CADM2: variants seen among roughly 807,000 people sequenced by gnomAD.
The protein encoded by CADM2 is cell adhesion molecule 2.
CADM2 carries 12 observed loss-of-function variants against 49.8 expected under a neutral mutation model. That is an observed-to-expected ratio of 0.24 (90% CI 0.15 to 0.39). The LOEUF (loss-of-function observed/expected upper bound fraction) is 0.39, where lower values mean the gene tolerates loss of function less well. CADM2 is among the 10% of genes least tolerant of loss of function. The pLI is 1.00. For missense variants in CADM2, 378 were observed against 492.3 expected (o/e 0.77, Z 2.20); for synonymous variants, 214 against 175.4 (o/e 1.22, Z -1.74).
intron 1 of CADM2, among the ~76,000 whole-genome samples, chr3:85,543,330 C>T (rs1047837052): frequency 1.3e-5 from 2 of 150,360 alleles, no homozygotes; most frequent in South Asian, 4.2e-4. Context: ...TCTCTGTTTA[C>T]CGCAACCTCC....
chr3:85,775,826 A>G (rs939172776), intron 2 of CADM2, among the ~76,000 whole-genome samples: 1 of 151,942 alleles, frequency 6.6e-6, no homozygotes, highest in Non-Finnish European at 1.5e-5. Flanking sequence ...TATTCAGATA[A>G]ATCCACTCAT....
intron 1 of CADM2, among the ~76,000 whole-genome samples, chr3:85,553,705 G>A (rs2061875406): frequency 6.6e-6 from 1 of 152,162 alleles, no homozygotes; most frequent in South Asian, 2.1e-4. Flanking sequence ...TCTTGTGTGG[G>A]AACTAGTAAT....
intron 1 of CADM2, among the ~76,000 whole-genome samples, chr3:85,573,874 A>T (rs1312920352): frequency 6.6e-6 from 1 of 152,108 alleles, no homozygotes; most frequent in Non-Finnish European, 1.5e-5. Context: ...AATCCTCACC[A>T]TCCTCACCAC....
At chr3:85,550,679 CA>C (rs1198677573) in intron 1 of CADM2, among the ~76,000 whole-genome samples, 1 of 152,026 alleles carries the variant, frequency 6.6e-6, no homozygotes, top group East Asian at 1.9e-4. Flanking sequence ...TTCCTGCGTC[CA>C]AAAACCCTAT....
chr3:85,516,434 C>T (rs1191450523), intron 1 of CADM2, among the ~76,000 whole-genome samples: 3 of 152,008 alleles, frequency 2.0e-5, no homozygotes, highest in Non-Finnish European at 2.9e-5. Flanking sequence ...AGTAAGGAAA[C>T]ATAAATAAGT....
chr3:85,071,011 T>TAAATAAAC (rs1175961389), intron 1 of CADM2, among the ~76,000 whole-genome samples: 2 of 150,260 alleles, frequency 1.3e-5, no homozygotes, highest in Non-Finnish European at 1.5e-5. Flanking sequence ...AATAAATAAA[T>TAAATAAAC]AAATAAATAA....
intron 1 of CADM2, among the ~76,000 whole-genome samples, chr3:85,138,066 A>T (rs920324483): frequency 4.6e-5 from 7 of 152,122 alleles, no homozygotes; most frequent in African/African-American, 1.7e-4. Flanking sequence ...AGATACAATT[A>T]TTTTTATAGT....
chr3:85,358,406 T>C (rs1446372158), intron 1 of CADM2, among the ~76,000 whole-genome samples: 1 of 152,004 alleles, frequency 6.6e-6, no homozygotes, highest in Non-Finnish European at 1.5e-5. Flanking sequence ...TATATATATA[T>C]AGTTCAGAAC....
intron 1 of CADM2, among the ~76,000 whole-genome samples, chr3:85,036,087 G>T (rs1386106725): frequency 6.6e-6 from 1 of 152,078 alleles, no homozygotes; most frequent in East Asian, 1.9e-4. Context: ...TTTAAGTAAA[G>T]GACATATAAG....
chr3:85,802,051 C>T lies in CADM2; in HGVS notation c.93C>T (p.Ser31=), dbSNP rs1277762565. Residue 31 remains serine, a synonymous_variant, in exon 3 of 10, where the codon AGC becomes AGT. Coordinates refer to ENST00000383699, the MANE Select transcript of CADM2 (RefSeq NM_001167675.2). ...TTTTCTTTAATCCCCTTTTAGGCAG[C>T]CAAGGGCAGTTTCCACTAACACAGA... ...AAASKNKVKG[S]QGQFPLTQNV... 4.4e-6 allele frequency: 7 copies of T among 1,606,916 alleles called. No individual in the cohort carries two copies. The highest frequency in any genetic ancestry group is 6.0e-6 in the Non-Finnish European group (7 of 1,176,380).
chr3:86,019,965 G>T (rs1559805232), intron 8 of CADM2, among the ~76,000 whole-genome samples: 1 of 152,052 alleles, frequency 6.6e-6, no homozygotes, highest in Non-Finnish European at 1.5e-5. Flanking sequence ...TCAAAAGCTA[G>T]CAGAAGGCAA....
rs945136112 is a variant in CADM2, at chr3:85,264,994, A to G, written c.61+305326A>G. Among the ~76,000 whole-genome samples the G allele has an allele frequency of 2.6e-5, 4 of 151,980 alleles. No individual in the cohort carries two copies. In the Admixed American group the frequency reaches 2.6e-4, roughly 10 times the overall value. On this transcript the variant is annotated intron_variant, in intron 1 of 9. Coordinates refer to ENST00000383699, the MANE Select transcript of CADM2 (RefSeq NM_001167675.2). ...GTGTGTTATTTAACCTCTCTGAGCT[A>G]TGAGTTTATTCATCAGCACGAATTA...
At chr3:84,974,574 A>G (rs2031688105) in intron 1 of CADM2, among the ~76,000 whole-genome samples, 1 of 152,004 alleles carries the variant, frequency 6.6e-6, no homozygotes, top group Non-Finnish European at 1.5e-5. Flanking sequence ...TTTGTGTCTT[A>G]GTGACTTCTT....
intron 1 of CADM2, among the ~76,000 whole-genome samples, chr3:85,223,814 T>G (rs1458358856): frequency 6.6e-6 from 1 of 152,084 alleles, no homozygotes; most frequent in Non-Finnish European, 1.5e-5. Context: ...CATGTGTTCT[T>G]ACTGTTCAGC....
chr3:85,918,514 A>T (rs1170059673), intron 6 of CADM2, among the ~76,000 whole-genome samples: 1 of 152,136 alleles, frequency 6.6e-6, no homozygotes, highest in Admixed American at 6.6e-5. Context: ...CCACTTGATC[A>T]TGGTGGATAA....
At chr3:85,964,131 T>C (rs1410449320) in intron 8 of CADM2, among the ~76,000 whole-genome samples, 1 of 151,888 alleles carries the variant, frequency 6.6e-6, no homozygotes, top group Non-Finnish European at 1.5e-5. Flanking sequence ...GTTTGGCTGT[T>C]TCAAAACCTT....
At chr3:84,975,812 C>A (rs1323185264) in intron 1 of CADM2, among the ~76,000 whole-genome samples, 1 of 151,836 alleles carries the variant, frequency 6.6e-6, no homozygotes, top group Non-Finnish European at 1.5e-5. Context: ...GAGAGATAAT[C>A]TCTGAGATGA....
chr3:85,359,046 A>T (rs1157328034), intron 1 of CADM2, among the ~76,000 whole-genome samples: 4 of 152,258 alleles, frequency 2.6e-5, no homozygotes, highest in South Asian at 2.1e-4. Context: ...ACCTGTCACA[A>T]TCTTTCCACC....
At chr3:85,832,789 C>A (rs1477254642) in intron 3 of CADM2, among the ~76,000 whole-genome samples, 2 of 151,780 alleles carry the variant, frequency 1.3e-5, no homozygotes, top group Non-Finnish European at 2.9e-5. Flanking sequence ...ATTTGGATAC[C>A]TTTTATTTCT....
Sources: gnomAD v4.1 joint callset for allele counts (sites outside exome capture counted in the v4.1 genomes callset) on GRCh38, gnomAD v4.1.1 for gene constraint, MANE v1.5 for transcripts, NCBI Gene and HGNC (gene_info 2026-07-23, HGNC 2026-07-21) for gene names.